The following CC2D2A variants were observed in gnomAD, a reference collection of about 807,000 sequenced individuals.
The protein encoded by CC2D2A is coiled-coil and C2 domain containing 2A.
A neutral mutation model predicts 212.9 loss-of-function variants in CC2D2A; 155 were observed. The ratio of observed to expected loss-of-function variants is 0.73; its 90% CI spans 0.64 to 0.83. The LOEUF (loss-of-function observed/expected upper bound fraction) is 0.83, where lower values mean the gene tolerates loss of function less well. CC2D2A is among the 40% of genes least tolerant of loss of function. The pLI is 0.00. For missense variants in CC2D2A, 1,856 were observed against 1,956.2 expected, an observed-to-expected ratio of 0.95 and a Z score of 0.97; for synonymous variants, 667 against 686.5, an observed-to-expected ratio of 0.97 and a Z score of 0.44.
At chr4:15,546,154 G>T (rs367849143) in intron 17 of CC2D2A, among the ~76,000 whole-genome samples, 12 of 152,220 alleles carry the variant, frequency 7.9e-5, no homozygotes, top group Middle Eastern at 3.4e-3. Flanking sequence ...TGGACTTCAT[G>T]GGACAGGGGA....
chr4:15,551,028 T>G (rs745827593), intron 18 of CC2D2A, 48 bp downstream of exon 18: 8 of 1,441,682 alleles, frequency 5.5e-6, no homozygotes, highest in Non-Finnish European at 7.7e-6. Flanking sequence ...ATTGTCAGAT[T>G]TGAATGTGTA....
chr4:15,475,896 C>A lies in CC2D2A; in HGVS notation c.-18-19C>A, dbSNP rs1329368815. The A allele has an allele frequency of 1.3e-6, 2 of 1,556,058 alleles. No individual in the cohort carries two copies. The highest frequency in any genetic ancestry group is 1.9e-5 in the Admixed American group (1 of 53,036). ...TCATTGATTTCAAAATGCCTGACTT[C>A]TTCATTGTTCTTTGTCAGGGACCCA... is the stretch of plus-strand genomic sequence containing the variant. On this transcript the variant is annotated intron_variant, in intron 1 of 36. Coordinates refer to ENST00000424120, the MANE Select transcript of CC2D2A (RefSeq NM_001378615.1).
chr4:15,529,889 TTTA>T (rs1331095355), intron 13 of CC2D2A, among the ~76,000 whole-genome samples: 1 of 143,654 alleles, frequency 7.0e-6, no homozygotes, highest in African/African-American at 2.5e-5. Context: ...TTTTTTAAAT[TTTA>T]TTTTTTTTAA....
rs780356460 is a variant in CC2D2A, at chr4:15,533,293, C to A, written c.1567C>A (p.Gln523Lys). 2 of 1,587,768 alleles carry A rather than the reference C, an allele frequency of 1.3e-6. No homozygotes were observed. Among genetic ancestry groups the A allele is most frequent in the African/African-American group, 1.4e-5 (1 of 73,978 alleles). Residue 523 changes from glutamine (Q) to lysine (K), a missense_variant, in exon 14 of 37, where the codon CAG becomes AAG. Gln to Lys is a moderately conservative substitution (Grantham distance 53, BLOSUM62 1). Coordinates refer to ENST00000424120, the MANE Select transcript of CC2D2A (RefSeq NM_001378615.1). ...WKEMKSLREF[Q>K]RFTNTPLKLV... ...AGAGATGAAATCCCTTCGAGAGTTC[C>A]AGAGATTTACAAATACTCCCTTGAA...
chr4:15,587,217 C>A (rs1259368319), intron 31 of CC2D2A, among the ~76,000 whole-genome samples: 1 of 152,334 alleles, frequency 6.6e-6, no homozygotes, highest in Admixed American at 6.5e-5. Flanking sequence ...AGGGTTTGCA[C>A]TCCTATGAGA....
intron 6 of CC2D2A, among the ~76,000 whole-genome samples, chr4:15,505,557 T>G (rs1225653065): frequency 6.6e-6 from 1 of 152,140 alleles, no homozygotes; most frequent in Non-Finnish European, 1.5e-5. Flanking sequence ...TCAGTGGAGT[T>G]GACAGCCAGT....
chr4:15,589,236 C>T (rs1483473230), intron 32 of CC2D2A, among the ~76,000 whole-genome samples: 2 of 152,074 alleles, frequency 1.3e-5, no homozygotes, highest in Non-Finnish European at 2.9e-5. Context: ...GAAGAAAACG[C>T]CAGTGACTGC....
chr4:15,481,296 G>A, intron 4 of CC2D2A: 1 of 449,104 alleles, frequency 2.2e-6, no homozygotes, highest in Non-Finnish European at 4.5e-6. Flanking sequence ...ATCACCTGAG[G>A]TTGGGAGTTC....
At chr4:15,470,689 C>CTA (rs199958992) in intron 1 of CC2D2A, among the ~76,000 whole-genome samples, 12 of 50,670 alleles carry the variant, frequency 2.4e-4, no homozygotes, top group South Asian at 7.4e-4. Flanking sequence ...CTCTCTCTCT[C>CTA]TATATATATA....
chr4:15,563,603 TC>T (rs1357572390), intron 24 of CC2D2A, 81 bp downstream of exon 24: 1 of 1,444,884 alleles, frequency 6.9e-7, no homozygotes, highest in African/African-American at 1.4e-5. Flanking sequence ...ATACTCACTC[TC>T]ATTCTTAACG....
intron 13 of CC2D2A, among the ~76,000 whole-genome samples, chr4:15,530,126 T>C (rs1047388936): frequency 7.2e-5 from 11 of 151,780 alleles, no homozygotes; most frequent in South Asian, 2.1e-4. Context: ...CGCCCGCCAC[T>C]ACGCCAGGCT....
At chr4:15,598,694 A>G (rs1721435360) in intron 35 of CC2D2A, among the ~76,000 whole-genome samples, 1 of 152,210 alleles carries the variant, frequency 6.6e-6, no homozygotes, top group Non-Finnish European at 1.5e-5. Context: ...CAATTTAGAA[A>G]AAAATTAATC....
At chr4:15,580,974 C>T (rs1400536938) in intron 30 of CC2D2A, among the ~76,000 whole-genome samples, 1 of 152,168 alleles carries the variant, frequency 6.6e-6, no homozygotes, top group Non-Finnish European at 1.5e-5. Context: ...ATTAAATATG[C>T]ATGCACCATT....
intron 5 of CC2D2A, 73 bp downstream of exon 5, chr4:15,502,590 A>G (rs2108998511): frequency 7.5e-7 from 1 of 1,339,688 alleles, no homozygotes; most frequent in Non-Finnish European, 1.0e-6. Flanking sequence ...CTTACTTTTT[A>G]TGCTCCAAAC....
intron 21 of CC2D2A, among the ~76,000 whole-genome samples, chr4:15,558,786 A>G (rs993297299): frequency 6.6e-6 from 1 of 152,166 alleles, no homozygotes; most frequent in African/African-American, 2.4e-5. Flanking sequence ...GACCTGGCTC[A>G]GCTACAGCCA....
In CC2D2A at chr4:15,510,308, A is replaced by T. The variant is rs1716497535; in HGVS notation, c.540+68A>T. On this transcript the variant is annotated intron_variant, in intron 7 of 36. Transcript: ENST00000424120. ...TTTTACAAATATCCAATGACACATG[A>T]CTACAGGCCGGGTGTGGTGGCTCAC... 10 of 1,381,514 alleles carry T rather than the reference A, an allele frequency of 7.2e-6. No individual in the cohort carries two copies. In the Middle Eastern group the frequency reaches 7.2e-4, roughly 100 times the overall value. The allele number at this position is 1,381,514 out of a possible 1,614,324, so 85.6% of individuals were successfully genotyped here. A position where few individuals can be genotyped will look rare whatever the true frequency, so the allele number is the denominator to read the frequency against.
intron 24 of CC2D2A, chr4:15,563,729 T>G: frequency 5.3e-6 from 3 of 570,522 alleles, no homozygotes. Context: ...ATTAAGAACA[T>G]CTCAAATAAC....
Position 15,536,911 on chromosome 4 carries a change from AT to A in CC2D2A, c.1608-5del. On this transcript the variant is annotated splice_region_variant and splice_polypyrimidine_tract_variant and intron_variant, in intron 14 of 36. Coordinates refer to ENST00000424120, the MANE Select transcript of CC2D2A (RefSeq NM_001378615.1). Reference sequence around the variant, plus strand: ...AGAAATAACCAAGGGACTACAAATTATTTTAAAGGGAAAAAGCTGACCAGAA... The same window carrying A: ...AGAAATAACCAAGGGACTACAAATTATTTAAAGGGAAAAAGCTGACCAGAA... 1 of 1,611,468 alleles carries A rather than the reference AT, an allele frequency of 6.2e-7. No homozygotes were observed. The highest frequency in any genetic ancestry group is 8.5e-7 in the Non-Finnish European group (1 of 1,178,974).
In CC2D2A at chr4:15,511,341, C is replaced by A. The variant is rs1577336727; in HGVS notation, c.635C>A (p.Ala212Glu). Residue 212 changes from alanine (A) to glutamate (E), a missense_variant, in exon 8 of 37, where the codon GCA becomes GAA. This residue lies in a region of CC2D2A where 1,512 missense variants were observed against 1,579.3 expected (regional missense o/e 0.96). Transcript: ENST00000424120. ...GAAGGATCAGAGGAAAAACCAAAAG[C>A]AAGACATAGAGCGGGAACTAATCAA... Reference protein sequence around the residue: ...EPEGSEEKPKARHRAGTNQEE... With the variant: ...EPEGSEEKPKERHRAGTNQEE... The A allele has an allele frequency of 6.3e-7, 1 of 1,593,942 alleles. No homozygotes were observed.
Sources: allele counts gnomAD v4.1 joint callset (sites outside exome capture counted in the v4.1 genomes callset), GRCh38; gene constraint gnomAD v4.1.1; regional missense constraint gnomAD v4.1.1; transcripts MANE v1.5; gene names NCBI Gene and HGNC (gene_info 2026-07-23, HGNC 2026-07-21).